Variants in ARHGEF1 observed in about 807,000 individuals in gnomAD.
The protein encoded by ARHGEF1 is 115 kDa guanine nucleotide exchange factor.
Under a neutral mutation model 119.7 loss-of-function variants are expected in ARHGEF1, and 40 were observed. The ratio of observed to expected loss-of-function variants is 0.33; its 90% confidence interval spans 0.26 to 0.44. The LOEUF (loss-of-function observed/expected upper bound fraction) is 0.44, where lower values mean the gene tolerates loss of function less well. ARHGEF1 is among the 20% of genes least tolerant of loss of function. The pLI, the probability that ARHGEF1 is intolerant of heterozygous loss-of-function variation, is 1.00. For synonymous variants in ARHGEF1, 494 were observed against 521.0 expected (o/e 0.95, Z 0.71); for missense variants, 976 against 1,268.3 (o/e 0.77, Z 3.50).
chr19:41,892,643 G>T lies in ARHGEF1; in HGVS notation c.408G>T (p.Arg136=). The T allele has an allele frequency of 6.2e-7, 1 of 1,612,468 alleles. No homozygotes were observed. The highest frequency in any genetic ancestry group is 8.5e-7 in the Non-Finnish European group (1 of 1,178,968). Residue 136 remains arginine, a synonymous_variant, in exon 7 of 29, where the codon CGG becomes CGT. Transcript: ENST00000354532. The surrounding 1 kb of genome is among the most constrained non-coding windows in gnomAD (Gnocchi z 6.3). ...ACCTCATCTCCGAGGATGTCCAGCG[G>T]CGGTTCGTGCAGGAGGTGGTGCAAA... ...RADLISEDVQ[R]RFVQEVVQSQ...
At chr19:41,909,122 G>C, downstream of ARHGEF1, 1 of 1,231,956 alleles carries the variant, frequency 8.1e-7, no homozygotes, top group Non-Finnish European at 1.0e-6. This position sits in a 1 kb window ranked among gnomAD's most constrained non-coding sequence, Gnocchi z 5.2. Flanking sequence ...GGTGAACAGG[G>C]GTGTCCGGGC....
Position 41,894,135 on chromosome 19 carries a change from AGTGTGT to A in ARHGEF1, c.645-45_645-40del, listed in dbSNP as rs35797687. On this transcript the variant is annotated intron_variant, in intron 8 of 28. Transcript: ENST00000354532. Reference sequence around the variant, plus strand: ...GGGAGAGAGAGAGAGTGTGTGTGTGAGTGTGTGTGTGTGTGTGTGTGTGTGTGTGTG... The same window carrying A: ...GGGAGAGAGAGAGAGTGTGTGTGTGAGTGTGTGTGTGTGTGTGTGTGTGTG... 1.8e-4 allele frequency: 89 copies of A among 486,072 alleles called. 1 individual carries two copies. Among genetic ancestry groups the A allele is most frequent in the South Asian group, 1.0e-3 (16 of 15,828 alleles). The allele number at this position is 486,072 out of a possible 1,614,324, so 30.1% of individuals were successfully genotyped here.
intron 8 of ARHGEF1, 70 bp from the exon 9 acceptor site, chr19:41,894,137 T>TGTGTGTGTGTGTGTGA: frequency 1.5e-6 from 1 of 669,120 alleles, no homozygotes; most frequent in African/African-American, 2.0e-5. Flanking sequence ...TGTGTGTGAG[T>TGTGTGTGTGTGTGTGA]GTGTGTGTGT....
chr19:41,928,974 A>G (rs1555853609), exon 2 of ARHGEF1: 1 of 453,172 alleles, frequency 2.2e-6, no homozygotes, highest in East Asian at 7.0e-5. Flanking sequence ...GGACAGAGGG[A>G]CATATGGATA....
chr19:41,905,528 CATGT>C lies in ARHGEF1; in HGVS notation c.2337-231_2337-228del, dbSNP rs2074678894. 3.3e-6 allele frequency: 2 copies of C among 614,710 alleles called. No individual in the cohort carries two copies. Among genetic ancestry groups the C allele is most frequent in the Non-Finnish European group, 5.7e-6 (2 of 349,252 alleles). 38.1% of individuals were successfully genotyped at this position (614,710 alleles called of 1,614,324 possible). ...GCATGCGTGTGACAGCATGTGCATG[CATGT>C]GTGTGTGTGTGCGCATGTGCCGACC... On this transcript the variant is annotated intron_variant, in intron 24 of 28. Coordinates refer to ENST00000354532, the MANE Select transcript of ARHGEF1 (RefSeq NM_004706.4). The surrounding 1 kb of genome is among the most constrained non-coding windows in gnomAD (Gnocchi z 6.4).
At chr19:41,926,568 G>C (rs1350738386) in intron 1 of ARHGEF1, among the ~76,000 whole-genome samples, 1 of 152,098 alleles carries the variant, frequency 6.6e-6, no homozygotes, top group Non-Finnish European at 1.5e-5. Context: ...TCTGGCTCTC[G>C]GGTCCCTCCC....
intron 18 of ARHGEF1, chr19:41,912,725 C>A: frequency 2.5e-6 from 1 of 406,140 alleles, no homozygotes; most frequent in Non-Finnish European, 4.3e-6. Flanking sequence ...GGGGGACTGA[C>A]CAAGACTGAG....
Position 41,917,795 on chromosome 19 carries a change from GCA to G in ARHGEF1, c.1866-5287_1866-5286del, listed in dbSNP as rs1429913103. Among the ~76,000 whole-genome samples, 1 of 151,740 alleles carries G rather than the reference GCA, an allele frequency of 6.6e-6. No homozygotes were observed. The highest frequency in any genetic ancestry group is 1.5e-5 in the Non-Finnish European group (1 of 67,950). ...GACCCACAGTGACACCCACTAGTAG[GCA>G]CACACACACCATGCACAGCCCCAGC... is the stretch of plus-strand genomic sequence containing the variant. On this transcript the variant is annotated intron_variant, in intron 18 of 20. Coordinates refer to the ARHGEF1 transcript ENST00000599589. The surrounding 1 kb of genome is among the most constrained non-coding windows in gnomAD (Gnocchi z 4.8).
In ARHGEF1 at chr19:41,905,402, T is replaced by C; in HGVS notation, c.2336+141T>C. On this transcript the variant is annotated intron_variant, in intron 24 of 28. Transcript: ENST00000354532. This position sits in a 1 kb window ranked among gnomAD's most constrained non-coding sequence, Gnocchi z 6.4. Reference sequence around the variant, plus strand: ...ATGTGTGTGCATACATGTGTGTCTGTACGCAAGTATGTGACTGTGCGTGCA... The same window carrying C: ...ATGTGTGTGCATACATGTGTGTCTGCACGCAAGTATGTGACTGTGCGTGCA... 1 of 735,576 alleles carries C rather than the reference T, an allele frequency of 1.4e-6. No individual in the cohort carries two copies. The highest frequency in any genetic ancestry group is 2.2e-6 in the Non-Finnish European group (1 of 452,650). 45.6% of individuals were successfully genotyped at this position (735,576 alleles called of 1,614,324 possible). A position where few individuals can be genotyped will look rare whatever the true frequency, so the allele number is the denominator to read the frequency against.
upstream of ARHGEF1, among the ~76,000 whole-genome samples, chr19:41,919,420 G>C (rs185217646): frequency 1.7e-4 from 26 of 152,092 alleles, no homozygotes; most frequent in African/African-American, 6.0e-4. Context: ...TTTAGGGCTG[G>C]ACACACAGTA....
At chr19:41,886,289 G>T (rs576022371) in intron 1 of ARHGEF1, among the ~76,000 whole-genome samples, 10 of 152,252 alleles carry the variant, frequency 6.6e-5, no homozygotes, top group African/African-American at 2.4e-4. Flanking sequence ...TTGTGATAAG[G>T]AATAAGGAGA....
chr19:41,896,208 A>G (rs1396197363), intron 12 of ARHGEF1, among the ~76,000 whole-genome samples, 169 bp from the exon 13 acceptor site: 6 of 152,126 alleles, frequency 3.9e-5, no homozygotes, highest in Non-Finnish European at 7.4e-5. Context: ...CCTAGTGGCC[A>G]TGTTCTGAGA....
chr19:41,911,546 A>G (rs2074751462), downstream of ARHGEF1, among the ~76,000 whole-genome samples: 1 of 152,072 alleles, frequency 6.6e-6, no homozygotes, highest in African/African-American at 2.4e-5. Context: ...TGGTGTAGAA[A>G]AGTGGGTGCT....
intron 13 of ARHGEF1, 21 bp downstream of exon 13, chr19:41,896,503 G>T: frequency 6.7e-7 from 1 of 1,499,590 alleles, no homozygotes. Flanking sequence ...TGGGGTGCAG[G>T]GGCGGGAGGT....
chr19:41,927,182 G>A (rs1298654640), intron 1 of ARHGEF1, among the ~76,000 whole-genome samples: 3 of 152,104 alleles, frequency 2.0e-5, no homozygotes, highest in Non-Finnish European at 4.4e-5. Context: ...AGACAGTGAG[G>A]AGAGACCCAG....
chr19:41,905,040 AG>A lies in ARHGEF1; in HGVS notation c.2249+11del, dbSNP rs773470702. On this transcript the variant is annotated splice_donor_5th_base_variant and intron_variant, in intron 23 of 28. Coordinates refer to ENST00000354532, the MANE Select transcript of ARHGEF1 (RefSeq NM_004706.4). The surrounding 1 kb of genome is among the most constrained non-coding windows in gnomAD (Gnocchi z 6.4). ...AGACTGTGTCGGAGCGGAAAAAGTG[AG>A]GGGGGGTCTGAGTTCTGAGTGTGGG... is the stretch of plus-strand genomic sequence containing the variant. The A allele has an allele frequency of 1.5e-5, 25 of 1,613,826 alleles. No homozygotes were observed. The highest frequency in any genetic ancestry group is 9.9e-5 in the South Asian group (9 of 91,078).
intron 12 of ARHGEF1, 43 bp downstream of exon 12, chr19:41,895,529 C>G (rs782685173): frequency 1.3e-6 from 2 of 1,552,056 alleles, no homozygotes; most frequent in Non-Finnish European, 1.7e-6. Flanking sequence ...CCCGGCGATC[C>G]AGGGTGGGGG....
At position 41,904,310 on chromosome 19, in the gene ARHGEF1, C is replaced by A; in HGVS notation, c.2088C>A (p.Pro696=). 7.5e-6 allele frequency: 12 copies of A among 1,610,316 alleles called. No homozygotes were observed. Among genetic ancestry groups the A allele is most frequent in the Non-Finnish European group, 1.0e-5 (12 of 1,179,220 alleles). ...LLKSHSRTLT[P]TPDGKTMLRP... ...AGTCCCATAGCCGGACACTGACGCCCACGCCCGATGGCAAGACCATGCTGC... is the reference window on the plus strand; with the variant it reads ...AGTCCCATAGCCGGACACTGACGCCAACGCCCGATGGCAAGACCATGCTGC... Residue 696 remains proline (P), a synonymous_variant, in exon 22 of 29, where the codon CCC becomes CCA. Coordinates refer to ENST00000354532, the MANE Select transcript of ARHGEF1 (RefSeq NM_004706.4). The surrounding 1 kb of genome is among the most constrained non-coding windows in gnomAD (Gnocchi z 8.4).
intron 18 of ARHGEF1, chr19:41,912,705 G>C (rs534274781): frequency 5.8e-5 from 23 of 399,042 alleles, no homozygotes; most frequent in Admixed American, 5.3e-4. Flanking sequence ...TCTCAGAAGG[G>C]GTTTGATTTG....
Sources: gnomAD v4.1 joint callset for allele counts (sites outside exome capture counted in the v4.1 genomes callset) on GRCh38, gnomAD v4.1.1 for gene constraint, Gnocchi (gnomAD v3.1) non-coding constraint, MANE v1.5 for transcripts, NCBI Gene and HGNC (gene_info 2026-07-23, HGNC 2026-07-21) for gene names.